The following NAALADL2 variants were observed in gnomAD, a reference collection of about 807,000 sequenced individuals.
NAALADL2 encodes the protein inactive N-acetylated-alpha-linked acidic dipeptidase-like protein 2.
A neutral mutation model predicts 87.2 loss-of-function variants in NAALADL2; 76 were observed. The ratio of observed to expected loss-of-function variants is 0.87; its 90% CI spans 0.72 to 1.05. NAALADL2 has a LOEUF of 1.05. Ranked by LOEUF, NAALADL2 falls within the 50% of genes least tolerant of loss-of-function variation. NAALADL2 has a pLI of 0.00. For missense variants in NAALADL2, 1,089 were observed against 945.8 expected, an observed-to-expected ratio of 1.15 and a Z score of -1.99; for synonymous variants, 354 against 331.0, an observed-to-expected ratio of 1.07 and a Z score of -0.75.
intron 2 of NAALADL2, among the ~76,000 whole-genome samples, chr3:174,711,202 C>A (rs1265434178): frequency 6.6e-6 from 1 of 152,144 alleles, no homozygotes; most frequent in African/African-American, 2.4e-5. Context: ...ACATATTATT[C>A]CCCAAGTCAC....
chr3:175,740,469 G>C (rs1438308564), intron 12 of NAALADL2, among the ~76,000 whole-genome samples: 1 of 152,152 alleles, frequency 6.6e-6, no homozygotes, highest in African/African-American at 2.4e-5. Context: ...CATATTCCCA[G>C]AAAGTTAGGC....
intron 1 of NAALADL2, among the ~76,000 whole-genome samples, chr3:174,529,378 G>C (rs948447284): frequency 6.6e-6 from 1 of 152,170 alleles, no homozygotes; most frequent in Non-Finnish European, 1.5e-5. Context: ...CTCCTTCCCT[G>C]CTGCTTTCAT....
At chr3:174,843,819 A>G (rs1724288252) in intron 3 of NAALADL2, among the ~76,000 whole-genome samples, 2 of 151,994 alleles carry the variant, frequency 1.3e-5, no homozygotes, top group African/African-American at 2.4e-5. Flanking sequence ...GGATATTTGT[A>G]TGCCTTCTTT....
At chr3:175,419,866 A>AT (rs1438359722) in intron 5 of NAALADL2, among the ~76,000 whole-genome samples, 1 of 151,930 alleles carries the variant, frequency 6.6e-6, no homozygotes, top group Admixed American at 6.6e-5. Context: ...CCAGTGTCCA[A>AT]TTTTTTTAAG....
intron 1 of NAALADL2, among the ~76,000 whole-genome samples, chr3:174,913,971 T>C (rs1347872035): frequency 6.6e-6 from 1 of 152,006 alleles, no homozygotes; most frequent in Non-Finnish European, 1.5e-5. Context: ...TAGTTTTAAA[T>C]ATAATTTTAT....
chr3:175,133,916 G>A (rs573130257), intron 2 of NAALADL2, among the ~76,000 whole-genome samples: 8 of 152,266 alleles, frequency 5.3e-5, no homozygotes, highest in African/African-American at 1.9e-4. Flanking sequence ...ACATAAGAAA[G>A]ATTAAAACAT....
chr3:175,520,656 C>T (rs1732525103), intron 9 of NAALADL2, among the ~76,000 whole-genome samples: 1 of 152,156 alleles, frequency 6.6e-6, no homozygotes, highest in South Asian at 2.1e-4. Flanking sequence ...ATAGTGAATG[C>T]ATCTGAAATT....
chr3:175,525,940 G>T (rs149863462), intron 9 of NAALADL2, among the ~76,000 whole-genome samples: 1 of 152,150 alleles, frequency 6.6e-6, no homozygotes, highest in Non-Finnish European at 1.5e-5. Context: ...AAAAGCCAAC[G>T]CTGAGCCAAG....
intron 13 of NAALADL2, among the ~76,000 whole-genome samples, chr3:175,777,320 G>A (rs1371890351): frequency 1.3e-5 from 2 of 151,924 alleles, no homozygotes; most frequent in Non-Finnish European, 2.9e-5. Flanking sequence ...CAAGGGCTAT[G>A]TGATGTTAAG....
intron 1 of NAALADL2, among the ~76,000 whole-genome samples, chr3:174,996,749 A>G (rs1747517332): frequency 1.3e-5 from 2 of 152,226 alleles, no homozygotes; most frequent in Admixed American, 6.5e-5. Flanking sequence ...CAAGAAGTGC[A>G]CACTGTACCC....
At chr3:174,946,043 C>CAAAAAA (rs57964168) in intron 1 of NAALADL2, among the ~76,000 whole-genome samples, 6 of 50,260 alleles carry the variant, frequency 1.2e-4, no homozygotes, top group Non-Finnish European at 1.9e-4. Context: ...GACTCTGCCT[C>CAAAAAA]AAAAAAAAAA....
chr3:174,466,937 A>G (rs796246494), intron 1 of NAALADL2, among the ~76,000 whole-genome samples: 26 of 152,284 alleles, frequency 1.7e-4, no homozygotes, highest in African/African-American at 5.8e-4. Flanking sequence ...CCTTTTGGTG[A>G]AGTCATGATG....
chr3:175,705,378 T>A (rs1345213407), intron 11 of NAALADL2, among the ~76,000 whole-genome samples: 1 of 152,152 alleles, frequency 6.6e-6, no homozygotes, highest in Non-Finnish European at 1.5e-5. Flanking sequence ...ATTAAATCCC[T>A]AATTTAGATT....
At chr3:175,408,447 AAAC>A (rs1712849671) in intron 5 of NAALADL2, among the ~76,000 whole-genome samples, 1 of 152,046 alleles carries the variant, frequency 6.6e-6, no homozygotes, top group East Asian at 1.9e-4. Context: ...ACATATATAA[AAAC>A]TAACAAATAT....
At chr3:174,793,222 G>A (rs565355912) in intron 3 of NAALADL2, among the ~76,000 whole-genome samples, 61 of 151,960 alleles carry the variant, frequency 4.0e-4, no homozygotes, top group African/African-American at 9.9e-4. Context: ...ATGATTTATC[G>A]TAATAATTAT....
intron 1 of NAALADL2, among the ~76,000 whole-genome samples, chr3:175,018,256 A>G (rs1005703903): frequency 3.3e-5 from 5 of 152,134 alleles, no homozygotes; most frequent in African/African-American, 1.2e-4. Flanking sequence ...TGAATTGGTC[A>G]TATCTTTTAT....
At chr3:175,207,372 A>G (rs577932555) in intron 2 of NAALADL2, among the ~76,000 whole-genome samples, 34 of 152,130 alleles carry the variant, frequency 2.2e-4, no homozygotes, top group African/African-American at 8.2e-4. Context: ...CCATGATGGA[A>G]GTTATTACCA....
chr3:175,255,736 C>A (rs1258452366), intron 3 of NAALADL2, among the ~76,000 whole-genome samples: 1 of 152,002 alleles, frequency 6.6e-6, no homozygotes, highest in Non-Finnish European at 1.5e-5. Context: ...TTTGCATTAA[C>A]ACAGAGGACT....
chr3:174,493,858 A>G (rs1484204426), intron 1 of NAALADL2, among the ~76,000 whole-genome samples: 1 of 152,214 alleles, frequency 6.6e-6, no homozygotes, highest in East Asian at 1.9e-4. Context: ...ATCAGATTCT[A>G]ATGATAGAGA....
Sources: allele counts gnomAD v4.1 joint callset (sites outside exome capture counted in the v4.1 genomes callset), GRCh38; gene constraint gnomAD v4.1.1; transcripts MANE v1.5; gene names NCBI Gene and HGNC (gene_info 2026-07-23, HGNC 2026-07-21).